Variants in RNF150 observed in about 807,000 individuals in gnomAD.
The protein encoded by RNF150 is ring finger protein 150.
In RNF150, 24 loss-of-function variants were observed where a neutral mutation model predicts 39.3. The observed-to-expected ratio is 0.61, with a 90% CI of 0.44 to 0.86. The LOEUF is 0.86. RNF150 is among the 40% of genes least tolerant of loss of function. The pLI is 0.00. For missense variants in RNF150, 502 were observed against 587.8 expected, an observed-to-expected ratio of 0.85 and a Z score of 1.51; for synonymous variants, 255 against 227.3, an observed-to-expected ratio of 1.12 and a Z score of -1.10.
chr4:140,943,769 C>T (rs1480249655), intron 4 of RNF150, among the ~76,000 whole-genome samples: 4 of 152,060 alleles, frequency 2.6e-5, no homozygotes, highest in Non-Finnish European at 5.9e-5. Context: ...CATTTAGGTA[C>T]TAAAAGTTTA....
intron 1 of RNF150, among the ~76,000 whole-genome samples, chr4:141,101,904 C>T (rs1560739499): frequency 1.3e-5 from 2 of 152,142 alleles, no homozygotes; most frequent in Non-Finnish European, 2.9e-5. Flanking sequence ...GCCTCAGCCT[C>T]CCTAGTAGCT....
At chr4:140,868,432 C>A in intron 6 of RNF150, 53 bp from the exon 7 acceptor site, 1 of 961,028 alleles carries the variant, frequency 1.0e-6, no homozygotes, top group Non-Finnish European at 1.7e-6. Flanking sequence ...TCTTTGCATG[C>A]TGCTTATTTC....
chr4:141,135,646 A>G (rs2111118514), upstream of RNF150, among the ~76,000 whole-genome samples: 1 of 152,370 alleles, frequency 6.6e-6, no homozygotes, highest in East Asian at 1.9e-4. Flanking sequence ...ACTGATAAGG[A>G]TTAATGGATA....
chr4:140,889,004 A>C (rs1313646755), intron 6 of RNF150, among the ~76,000 whole-genome samples: 1 of 152,122 alleles, frequency 6.6e-6, no homozygotes, highest in Non-Finnish European at 1.5e-5. Context: ...TTACTATGTC[A>C]GTGCTGAGAT....
Position 141,132,261 on chromosome 4 carries a change from T to C in RNF150, c.484+64A>G. The C allele has an allele frequency of 6.6e-7, 1 of 1,510,772 alleles. No individual in the cohort carries two copies. Among genetic ancestry groups the C allele is most frequent in the Non-Finnish European group, 9.0e-7 (1 of 1,116,796 alleles). The allele number at this position is 1,510,772 out of a possible 1,614,324, so 93.6% of individuals were successfully genotyped here. On this transcript the variant is annotated intron_variant, in intron 1 of 6. Transcript: ENST00000515673. The surrounding 1 kb of genome is among the most constrained non-coding windows in gnomAD (Gnocchi z 4.9). ...CCAGAAGGAGCCTGGAGGCAGGCGC[T>C]GGATCCCTCTAGGCACCTCCGTCCC... is the stretch of plus-strand genomic sequence containing the variant.
chr4:140,979,398 C>T (rs1733779761), intron 1 of RNF150, among the ~76,000 whole-genome samples: 1 of 152,004 alleles, frequency 6.6e-6, no homozygotes, highest in Non-Finnish European at 1.5e-5. Context: ...CTTTGGAAGA[C>T]TTATTAAACC....
At chr4:140,910,227 A>C (rs917871610) in intron 6 of RNF150, among the ~76,000 whole-genome samples, 7 of 152,202 alleles carry the variant, frequency 4.6e-5, no homozygotes, top group Non-Finnish European at 1.0e-4. Flanking sequence ...CAAATGCTTC[A>C]ATCTGCTTTT....
rs766142777 is a variant in RNF150, at chr4:140,868,372, C to T, written c.1206G>A (p.Gln402=). 1.2e-6 allele frequency: 2 copies of T among 1,603,810 alleles called. No individual in the cohort carries two copies. The highest frequency in any genetic ancestry group is 8.5e-7 in the Non-Finnish European group (1 of 1,170,632). Residue 402 remains glutamine (Q), a synonymous_variant, in exon 7 of 7, where the codon CAG becomes CAA. Transcript: ENST00000515673. ...CAGAATCACTGCTTACAGCTGGCTCCTGCTCACCTGGGAGGAGAAAGCAAA... is the reference window on the plus strand; with the variant it reads ...CAGAATCACTGCTTACAGCTGGCTCTTGCTCACCTGGGAGGAGAAAGCAAA... ...GDVIFTTNSE[Q]EPAVSSDSDI...
At chr4:141,098,586 C>G (rs1738890416) in intron 1 of RNF150, among the ~76,000 whole-genome samples, 1 of 152,210 alleles carries the variant, frequency 6.6e-6, no homozygotes, top group Non-Finnish European at 1.5e-5. Flanking sequence ...GATGGGGGCA[C>G]TTGGAATCCC....
chr4:141,192,726 A>T (rs1168752799), intron 1 of RNF150, among the ~76,000 whole-genome samples: 1 of 152,210 alleles, frequency 6.6e-6, no homozygotes. Flanking sequence ...ACACCCTGCC[A>T]GGGTATAATC....
At chr4:141,119,600 G>C (rs1344112128) in intron 1 of RNF150, among the ~76,000 whole-genome samples, 1 of 152,182 alleles carries the variant, frequency 6.6e-6, no homozygotes, top group African/African-American at 2.4e-5. Context: ...CCTAAGCAAA[G>C]GATTTGCTTG....
chr4:141,100,307 T>G (rs1738960162), intron 1 of RNF150, among the ~76,000 whole-genome samples: 1 of 152,206 alleles, frequency 6.6e-6, no homozygotes, highest in African/African-American at 2.4e-5. Context: ...GTTAAATATA[T>G]AATTCTGTCT....
At chr4:140,988,277 T>G (rs941682697) in intron 1 of RNF150, among the ~76,000 whole-genome samples, 1 of 152,014 alleles carries the variant, frequency 6.6e-6, no homozygotes, top group African/African-American at 2.4e-5. Context: ...AATAAATTGT[T>G]CTACCATAAA....
chr4:141,092,456 A>C (rs1208511572), intron 1 of RNF150, among the ~76,000 whole-genome samples: 2 of 152,236 alleles, frequency 1.3e-5, no homozygotes, highest in African/African-American at 4.8e-5. Context: ...CTTTTTTAAA[A>C]ATCCTTTGGT....
chr4:141,193,989 A>T (rs1728157647), intron 1 of RNF150, among the ~76,000 whole-genome samples: 1 of 152,248 alleles, frequency 6.6e-6, no homozygotes. Context: ...ATAAAAAGCA[A>T]TGAAGCATTG....
At chr4:141,055,985 A>G (rs1050285842) in intron 1 of RNF150, among the ~76,000 whole-genome samples, 3 of 152,210 alleles carry the variant, frequency 2.0e-5, no homozygotes, top group African/African-American at 7.2e-5. Flanking sequence ...AAACGAGTCT[A>G]GGTATTAACA....
At chr4:141,192,522 T>C (rs1318017069) in intron 1 of RNF150, among the ~76,000 whole-genome samples, 1 of 152,070 alleles carries the variant, frequency 6.6e-6, no homozygotes, top group East Asian at 1.9e-4. Context: ...GGGTTGACAG[T>C]GGTGAGAAAT....
chr4:140,929,112 G>C (rs1731513450), intron 4 of RNF150, among the ~76,000 whole-genome samples: 1 of 152,240 alleles, frequency 6.6e-6, no homozygotes, highest in East Asian at 1.9e-4. Flanking sequence ...CTGGAGGCAG[G>C]GCTCTGCTGT....
chr4:141,123,672 GGTA>G (rs1353369168), intron 1 of RNF150, among the ~76,000 whole-genome samples: 1 of 152,074 alleles, frequency 6.6e-6, no homozygotes, highest in East Asian at 1.9e-4. Context: ...ATTTACATTA[GGTA>G]TATCTCCTAA....
Sources: gnomAD v4.1 joint callset for allele counts (sites outside exome capture counted in the v4.1 genomes callset) on GRCh38, gnomAD v4.1.1 for gene constraint, Gnocchi (gnomAD v3.1) non-coding constraint, MANE v1.5 for transcripts, NCBI Gene and HGNC (gene_info 2026-07-23, HGNC 2026-07-21) for gene names.